CLNK: variants seen among roughly 807,000 people sequenced by gnomAD.
The protein encoded by CLNK is cytokine dependent hematopoietic cell linker, also known as cytokine-dependent hematopoietic cell linker.
A neutral mutation model predicts 68.6 loss-of-function variants in CLNK; 74 were observed. That is an observed-to-expected ratio of 1.08 (90% CI 0.89 to 1.31). CLNK has a LOEUF of 1.31. Ranked by LOEUF, CLNK falls within the 50% of genes most tolerant of loss-of-function variation. The pLI is 0.00. For synonymous variants in CLNK, 198 were observed against 172.2 expected (o/e 1.15, Z -1.17); for missense variants, 553 against 515.3 (o/e 1.07, Z -0.71).
At chr4:10,723,919 A>AC in the CLNK span, among the ~76,000 whole-genome samples, 1 of 148,032 alleles carries the variant, frequency 6.8e-6, no homozygotes. Context: ...AGAGAGAGAG[A>AC]AGGCAGGGCA....
chr4:10,552,219 AC>A (rs1281881297), intron 8 of CLNK, among the ~76,000 whole-genome samples: 3 of 151,476 alleles, frequency 2.0e-5, no homozygotes, highest in Non-Finnish European at 4.4e-5. Context: ...TTCCTTAATT[AC>A]TCCTGGGCTA....
chr4:10,593,213 C>G (rs1217486510), intron 3 of CLNK, among the ~76,000 whole-genome samples: 4 of 151,328 alleles, frequency 2.6e-5, no homozygotes, highest in Non-Finnish European at 4.4e-5. Flanking sequence ...GAAAAGTGAC[C>G]CTTATGGCTC....
At chr4:10,728,383 A>AGT in the CLNK span, among the ~76,000 whole-genome samples, 1 of 81,512 alleles carries the variant, frequency 1.2e-5, no homozygotes, top group Non-Finnish European at 2.5e-5. Flanking sequence ...TTTATTCTAA[A>AGT]GAGTGTGTGT....
chr4:10,695,847 G>A, the CLNK span, among the ~76,000 whole-genome samples: 3 of 151,594 alleles, frequency 2.0e-5, no homozygotes, highest in Admixed American at 6.6e-5. Flanking sequence ...TCTTGTCCTC[G>A]ATCACAATTA....
intron 3 of CLNK, among the ~76,000 whole-genome samples, chr4:10,588,988 T>G (rs1431530644): frequency 6.6e-6 from 1 of 152,084 alleles, no homozygotes; most frequent in Non-Finnish European, 1.5e-5. Flanking sequence ...TTAGACAAGA[T>G]AAATAAGTCC....
the CLNK span, among the ~76,000 whole-genome samples, chr4:10,713,979 C>T: frequency 6.6e-6 from 1 of 152,214 alleles, no homozygotes; most frequent in African/African-American, 2.4e-5. Context: ...TGGGCAGCAG[C>T]TCGAAACATT....
the CLNK span, among the ~76,000 whole-genome samples, chr4:10,696,676 C>T: frequency 1.8e-4 from 27 of 152,264 alleles, no homozygotes; most frequent in East Asian, 3.5e-3. Context: ...ACTCAATAGC[C>T]GAAAGTCTTC....
At chr4:10,527,858 C>T (rs546260645) in intron 13 of CLNK, among the ~76,000 whole-genome samples, 1 of 152,114 alleles carries the variant, frequency 6.6e-6, no homozygotes, top group Non-Finnish European at 1.5e-5. Context: ...AGACATCTGG[C>T]CTATCCTGGA....
intron 18 of CLNK, among the ~76,000 whole-genome samples, chr4:10,493,625 T>C (rs1029971228): frequency 2.5e-4 from 38 of 152,180 alleles, no homozygotes; most frequent in African/African-American, 8.7e-4. Context: ...TTTGGAGGAA[T>C]ACAAACATTC....
At chr4:10,541,947 G>A in intron 10 of CLNK, 75 bp downstream of exon 10, 5 of 1,100,998 alleles carry the variant, frequency 4.5e-6, no homozygotes, top group Non-Finnish European at 6.6e-6. Flanking sequence ...AAATGTTTGT[G>A]TTTCTCTTTT....
chr4:10,663,675 C>A (rs996024094), intron 2 of CLNK, among the ~76,000 whole-genome samples: 2 of 152,118 alleles, frequency 1.3e-5, no homozygotes, highest in Admixed American at 1.3e-4. Context: ...ATCATCCATT[C>A]ATTTATACTT....
At chr4:10,511,837 C>G (rs573756451) in intron 16 of CLNK, among the ~76,000 whole-genome samples, 10 of 152,100 alleles carry the variant, frequency 6.6e-5, no homozygotes, top group Non-Finnish European at 1.5e-4. Context: ...GTACAAATAT[C>G]TGAGTCTCTG....
intron 16 of CLNK, 40 bp from the exon 17 acceptor site, chr4:10,508,076 G>A (rs750299158): frequency 4.9e-6 from 7 of 1,437,512 alleles, no homozygotes; most frequent in Admixed American, 2.0e-5. Flanking sequence ...TAGGGTCAAT[G>A]GGAAGTATGA....
the CLNK span, among the ~76,000 whole-genome samples, chr4:10,698,072 G>C: frequency 6.6e-6 from 1 of 152,142 alleles, no homozygotes; most frequent in Admixed American, 6.6e-5. Flanking sequence ...GCAGATTGTA[G>C]TTCGGAATTA....
At chr4:10,537,446 C>G (rs1464118868) in intron 11 of CLNK, among the ~76,000 whole-genome samples, 3 of 152,050 alleles carry the variant, frequency 2.0e-5, no homozygotes, top group Non-Finnish European at 4.4e-5. Flanking sequence ...TCACTGCACT[C>G]CAGCCTGGGC....
intron 1 of CLNK, among the ~76,000 whole-genome samples, chr4:10,682,604 A>C (rs1206113602): frequency 6.6e-6 from 1 of 152,212 alleles, no homozygotes. Context: ...ACAGCTAACT[A>C]AAGATCAGAG....
chr4:10,680,713 G>A (rs905774146), intron 1 of CLNK, among the ~76,000 whole-genome samples: 2 of 151,988 alleles, frequency 1.3e-5, no homozygotes, highest in African/African-American at 4.8e-5. Context: ...CCACAAATTC[G>A]AGCAGTAGAT....
At chr4:10,713,913 T>C in the CLNK span, among the ~76,000 whole-genome samples, 17 of 152,200 alleles carry the variant, frequency 1.1e-4, no homozygotes, top group African/African-American at 4.1e-4. Flanking sequence ...TAATGCAAAA[T>C]AGACTAATGC....
At chr4:10,505,659 C>T (rs1376670786) in intron 17 of CLNK, among the ~76,000 whole-genome samples, 1 of 152,154 alleles carries the variant, frequency 6.6e-6, no homozygotes, top group African/African-American at 2.4e-5. Flanking sequence ...TTCATCTGAC[C>T]TCACTTTCAT....
Sources: gnomAD v4.1 joint callset for allele counts (sites outside exome capture counted in the v4.1 genomes callset) on GRCh38, gnomAD v4.1.1 for gene constraint, MANE v1.5 for transcripts, NCBI Gene and HGNC (gene_info 2026-07-23, HGNC 2026-07-21) for gene names.